The following SPIDR variants were observed in gnomAD, a reference collection of about 807,000 sequenced individuals.
The protein encoded by SPIDR is DNA repair-scaffolding protein.
A neutral mutation model predicts 104.6 loss-of-function variants in SPIDR; 93 were observed. That is an observed-to-expected ratio of 0.89 (90% CI 0.75 to 1.06). SPIDR has a LOEUF of 1.06. Ranked by LOEUF, SPIDR falls within the 50% of genes least tolerant of loss-of-function variation. The pLI is 0.00. For synonymous variants in SPIDR, 431 were observed against 416.9 expected (o/e 1.03, Z -0.41); for missense variants, 1,154 against 1,111.2 (o/e 1.04, Z -0.55).
At chr8:47,585,909 A>G (rs1906955) in intron 8 of SPIDR, among the ~76,000 whole-genome samples, 5,478 of 152,252 alleles carry the variant, frequency 0.036, 161 homozygotes, top group Middle Eastern at 0.082. Context: ...ACCTCTCAAT[A>G]CTGCCACATT....
At chr8:47,343,470 A>G (rs1411850868) in intron 5 of SPIDR, among the ~76,000 whole-genome samples, 1 of 152,200 alleles carries the variant, frequency 6.6e-6, no homozygotes, top group African/African-American at 2.4e-5. Context: ...GTTCAGTGAG[A>G]CAGAACTTAC....
chr8:47,651,390 G>T (rs530605908), intron 10 of SPIDR, among the ~76,000 whole-genome samples: 1 of 151,964 alleles, frequency 6.6e-6, no homozygotes, highest in Non-Finnish European at 1.5e-5. Context: ...AATTAAAACC[G>T]CAGTGAGATA....
Position 47,393,823 on chromosome 8 carries a change from TTC to T in SPIDR, c.526-2540_526-2539del, listed in dbSNP as rs1260864632. Reference sequence around the variant, plus strand: ...CCCTTCTTTTCCATCCTTTCTTTGTTTCTCTCTCTCTCTCCCTTTCCCTTCCT... The same window carrying T: ...CCCTTCTTTTCCATCCTTTCTTTGTTTCTCTCTCTCTCCCTTTCCCTTCCT... On this transcript the variant is annotated intron_variant, in intron 5 of 19. Transcript: ENST00000297423. Among the ~76,000 whole-genome samples, 29 of 146,630 alleles carry T rather than the reference TTC, an allele frequency of 2.0e-4. No homozygotes were observed. The East Asian group carries it at 3.9e-3, about 20-fold the overall frequency.
chr8:47,482,983 GC>G (rs1384464698), intron 8 of SPIDR, among the ~76,000 whole-genome samples: 3 of 152,178 alleles, frequency 2.0e-5, no homozygotes, highest in Non-Finnish European at 2.9e-5. Context: ...CTTGCTGGCT[GC>G]CCCCTCCCCA....
rs577616338 is a variant in SPIDR at position 47,651,864 on chromosome 8, A to G, written c.1545-21937A>G. 7.6e-4 allele frequency among the ~76,000 whole-genome samples: 115 copies of G among 152,314 alleles called. 1 individual carries two copies. Among genetic ancestry groups the G allele is most frequent in the South Asian group, 8.3e-4 (4 of 4,820 alleles). On this transcript the variant is annotated intron_variant, in intron 10 of 19. Coordinates refer to ENST00000297423, the MANE Select transcript of SPIDR (RefSeq NM_001080394.4). ...GAAGTAACTCAGGAATGGAAAACCAAATACTGTATGTTCTCACTTACAAAT... is the reference window on the plus strand; with the variant it reads ...GAAGTAACTCAGGAATGGAAAACCAGATACTGTATGTTCTCACTTACAAAT...
chr8:47,699,611 A>C (rs891818761), intron 11 of SPIDR, among the ~76,000 whole-genome samples: 1 of 152,220 alleles, frequency 6.6e-6, no homozygotes, highest in Non-Finnish European at 1.5e-5. Context: ...CTGGACTGCA[A>C]TGATGTGATC....
chr8:47,488,498 T>C (rs2078089595), intron 8 of SPIDR, among the ~76,000 whole-genome samples: 1 of 152,160 alleles, frequency 6.6e-6, no homozygotes, highest in Admixed American at 6.5e-5. Flanking sequence ...CTTAACTTAT[T>C]TTATGAGACC....
intron 7 of SPIDR, among the ~76,000 whole-genome samples, chr8:47,421,723 T>C (rs1228414159): frequency 6.6e-6 from 1 of 152,232 alleles, no homozygotes; most frequent in East Asian, 1.9e-4. Context: ...GCTCTGTTTT[T>C]TCCCCATCTT....
chr8:47,263,476 C>G (rs1039874501), intron 1 of SPIDR, among the ~76,000 whole-genome samples: 1 of 151,994 alleles, frequency 6.6e-6, no homozygotes, highest in Non-Finnish European at 1.5e-5. Flanking sequence ...AGCCTCCACA[C>G]CGGGCTAATT....
intron 8 of SPIDR, among the ~76,000 whole-genome samples, chr8:47,592,930 G>A (rs1288312765): frequency 1.3e-5 from 2 of 151,778 alleles, no homozygotes; most frequent in Non-Finnish European, 1.5e-5. Context: ...TTTGTTGCCC[G>A]GGTTGGAGTG....
chr8:47,276,986 T>C (rs1300832649), intron 1 of SPIDR: 1 of 149,266 alleles, frequency 6.7e-6, no homozygotes, highest in African/African-American at 2.5e-5. Context: ...TGGAGTGCAA[T>C]GGCACAATCT....
intron 7 of SPIDR, among the ~76,000 whole-genome samples, chr8:47,414,260 C>T (rs1204875341): frequency 6.6e-6 from 1 of 152,118 alleles, no homozygotes; most frequent in African/African-American, 2.4e-5. Context: ...ATCAAATTGT[C>T]AAGTATGTAG....
chr8:47,483,251 T>C (rs1554728556), intron 8 of SPIDR, among the ~76,000 whole-genome samples: 1 of 152,250 alleles, frequency 6.6e-6, no homozygotes, highest in South Asian at 2.1e-4. Context: ...TAATTACTTA[T>C]TTTAAAGTAA....
intron 5 of SPIDR, among the ~76,000 whole-genome samples, chr8:47,322,553 A>G (rs2046874888): frequency 1.3e-5 from 2 of 152,218 alleles, no homozygotes; most frequent in South Asian, 4.1e-4. Context: ...ATCTAGAACT[A>G]GAAATACCAT....
chr8:47,625,351 A>T (rs948540760), intron 10 of SPIDR, among the ~76,000 whole-genome samples: 26 of 151,944 alleles, frequency 1.7e-4, no homozygotes, highest in African/African-American at 6.0e-4. Flanking sequence ...CTCTCTCACC[A>T]CTCCTATTCA....
At chr8:47,374,824 G>A (rs1227830513) in intron 5 of SPIDR, among the ~76,000 whole-genome samples, 2 of 152,182 alleles carry the variant, frequency 1.3e-5, no homozygotes, top group African/African-American at 2.4e-5. Flanking sequence ...GAGAGGCCAA[G>A]ATGGGCAGAT....
At chr8:47,640,478 A>G (rs2068686980) in intron 10 of SPIDR, among the ~76,000 whole-genome samples, 1 of 152,216 alleles carries the variant, frequency 6.6e-6, no homozygotes, top group African/African-American at 2.4e-5. Context: ...TTAGAATGCC[A>G]TTAGCTGTAG....
rs375122007 is a variant in SPIDR at position 47,327,391 on chromosome 8, CTT to C, written c.525+33378_525+33379del. 3.0e-3 allele frequency among the ~76,000 whole-genome samples: 403 copies of C among 132,508 alleles called. 2 individuals carry two copies. The highest frequency in any genetic ancestry group is 5.3e-3 in the Non-Finnish European group (323 of 61,110). 86.9% of individuals were successfully genotyped at this position (132,508 alleles called of 152,430 possible). On this transcript the variant is annotated intron_variant, in intron 5 of 19. Coordinates refer to ENST00000297423, the MANE Select transcript of SPIDR (RefSeq NM_001080394.4). ...TCATATTCAGTAGGTGGTTTTTTCA[CTT>C]TTTTTTTTTTTTTTTTGAGACAGGG...
intron 17 of SPIDR, 86 bp downstream of exon 17, chr8:47,727,379 C>T (rs1174433755): frequency 1.0e-5 from 13 of 1,240,540 alleles, no homozygotes; most frequent in Non-Finnish European, 1.4e-5. Context: ...CTTGCTACCT[C>T]AGGTGACTCC....
Sources: gnomAD v4.1 joint callset for allele counts (sites outside exome capture counted in the v4.1 genomes callset) on GRCh38, gnomAD v4.1.1 for gene constraint, MANE v1.5 for transcripts, NCBI Gene and HGNC (gene_info 2026-07-23, HGNC 2026-07-21) for gene names.